The following ETF1 variants were observed in gnomAD, a reference collection of about 807,000 sequenced individuals.
ETF1 encodes the protein eukaryotic peptide chain release factor subunit 1.
Under a neutral mutation model 55.1 loss-of-function variants are expected in ETF1, and 4 were observed. That is an observed-to-expected ratio of 0.07 (90% CI 0.04 to 0.17). The LOEUF (loss-of-function observed/expected upper bound fraction) is 0.17, where lower values mean the gene tolerates loss of function less well. Among genes scored for constraint, ETF1 ranks in the 10% least tolerant of loss-of-function variants. The pLI is 1.00. For synonymous variants in ETF1, 157 were observed against 182.3 expected (o/e 0.86, Z 1.12); for missense variants, 142 against 523.6 (o/e 0.27, Z 7.11).
In ETF1 at chr5:138,535,874, CAAAAAAAAAAA is replaced by C. The variant is rs35261297; in HGVS notation, c.86+6948_86+6958del. Among the ~76,000 whole-genome samples, 14 of 57,834 alleles carry C rather than the reference CAAAAAAAAAAA, an allele frequency of 2.4e-4. 1 individual carries two copies. The highest frequency in any genetic ancestry group is 0.016 in the Middle Eastern group (1 of 64). The allele number at this position is 57,834 out of a possible 152,430, so 37.9% of individuals were successfully genotyped here. A position where few individuals can be genotyped will look rare whatever the true frequency, so the allele number is the denominator to read the frequency against. ...TGGGCGGGAAAGCGAGACTCCGCCT[CAAAAAAAAAAA>C]AAAAAAAAAAAAAAAGACCTTAATC... On this transcript the variant is annotated intron_variant, in intron 2 of 10. Coordinates refer to ENST00000360541, the MANE Select transcript of ETF1 (RefSeq NM_004730.4).
At chr5:138,518,303 C>T (rs958289614) in intron 3 of ETF1, among the ~76,000 whole-genome samples, 5 of 152,006 alleles carry the variant, frequency 3.3e-5, no homozygotes, top group African/African-American at 7.2e-5. Context: ...TCCCACCTCC[C>T]GGGTCCAGTT....
chr5:138,542,563 G>A (rs919463896), intron 2 of ETF1: 31 of 1,290,454 alleles, frequency 2.4e-5, no homozygotes, highest in Non-Finnish European at 3.0e-5. Context: ...GCCCGGGAGA[G>A]GTGCAAAAGT....
chr5:138,531,134 G>A (rs1030233277), intron 2 of ETF1, among the ~76,000 whole-genome samples: 3 of 152,178 alleles, frequency 2.0e-5, no homozygotes, highest in Non-Finnish European at 4.4e-5. Flanking sequence ...TAGGTTATGA[G>A]GGCTCTGCCC....
chr5:138,541,740 TA>T, intron 2 of ETF1: 1 of 501,418 alleles, frequency 2.0e-6, no homozygotes, highest in Non-Finnish European at 2.7e-6. Context: ...TACAAGTATG[TA>T]ATAATGTTCC....
intron 4 of ETF1, among the ~76,000 whole-genome samples, chr5:138,515,883 G>A (rs556163358): frequency 2.6e-5 from 4 of 152,174 alleles, no homozygotes; most frequent in African/African-American, 9.7e-5. Flanking sequence ...CTATGCAGTC[G>A]ACCAAGATCC....
At chr5:138,520,297 A>G (rs1765180918) in intron 2 of ETF1, among the ~76,000 whole-genome samples, 4 of 151,852 alleles carry the variant, frequency 2.6e-5, no homozygotes, top group Admixed American at 2.6e-4. Flanking sequence ...TGATTCTGAG[A>G]GACCCTTATG....
At chr5:138,536,454 C>T (rs139907708) in intron 2 of ETF1, among the ~76,000 whole-genome samples, 1 of 152,310 alleles carries the variant, frequency 6.6e-6, no homozygotes, top group East Asian at 1.9e-4. Context: ...ATCATACTCT[C>T]TGAGGACAGT....
chr5:138,531,873 C>T (rs56152341), intron 2 of ETF1, among the ~76,000 whole-genome samples: 14,321 of 152,110 alleles, frequency 0.094, 895 homozygotes, highest in Non-Finnish European at 0.13. Flanking sequence ...GGTGAAACCC[C>T]ATCTCTACTA....
intron 2 of ETF1, among the ~76,000 whole-genome samples, chr5:138,519,612 G>A (rs975532747): frequency 6.6e-6 from 1 of 151,008 alleles, no homozygotes; most frequent in South Asian, 2.1e-4. Flanking sequence ...GCAGTGAGCC[G>A]AGATCATGTC....
At chr5:138,525,579 C>T (rs1276327383) in intron 2 of ETF1, among the ~76,000 whole-genome samples, 2 of 152,140 alleles carry the variant, frequency 1.3e-5, no homozygotes, top group Admixed American at 6.5e-5. Flanking sequence ...CAATAGCTAC[C>T]AGTATAAATT....
At chr5:138,511,433 C>T (rs187398778) in intron 7 of ETF1, 42 bp downstream of exon 7, 70 of 1,597,508 alleles carry the variant, frequency 4.4e-5, no homozygotes, top group African/African-American at 2.6e-4. Context: ...CACACACACA[C>T]GAAAACATTT....
chr5:138,520,449 A>G (rs1581032302), intron 2 of ETF1, among the ~76,000 whole-genome samples: 1 of 152,188 alleles, frequency 6.6e-6, no homozygotes, highest in East Asian at 1.9e-4. Flanking sequence ...TGCCAGTAAC[A>G]TATCTTTTTT....
At chr5:138,537,217 T>G (rs1289259778) in intron 2 of ETF1, among the ~76,000 whole-genome samples, 2 of 152,182 alleles carry the variant, frequency 1.3e-5, no homozygotes, top group African/African-American at 4.8e-5. Context: ...CTTTACTACC[T>G]CTTTTCTCTC....
In ETF1 at chr5:138,511,100, T is replaced by G. The variant is rs1404583056; in HGVS notation, c.963A>C (p.Ile321=). 1.2e-6 allele frequency: 2 copies of G among 1,614,040 alleles called. No individual in the cohort carries two copies. The highest frequency in any genetic ancestry group is 2.7e-5 in the African/African-American group (2 of 74,942). ...TCATTATATCCAGATTTTCATAGAC[T>G]ATTAGAATTTCTACAGCTCCCATTT... ...ALEMGAVEIL[I]VYENLDIMRY... Residue 321 remains isoleucine (I), a synonymous_variant, in exon 8 of 11, where the codon ATA becomes ATC. Transcript: ENST00000360541.
intron 9 of ETF1, among the ~76,000 whole-genome samples, chr5:138,510,301 C>T (rs1046403026): frequency 6.3e-5 from 8 of 127,314 alleles, no homozygotes; most frequent in Non-Finnish European, 1.1e-4. Flanking sequence ...GAGGTTGCAG[C>T]GAGCCGAGAT....
At chr5:138,532,944 CTTT>C (rs1249359363) in intron 2 of ETF1, among the ~76,000 whole-genome samples, 1 of 146,020 alleles carries the variant, frequency 6.8e-6, no homozygotes, top group Admixed American at 6.9e-5. Context: ...ATATAAGCTT[CTTT>C]TTTTTTTTTT....
chr5:138,520,690 C>T (rs970716217), intron 2 of ETF1, among the ~76,000 whole-genome samples: 5 of 152,080 alleles, frequency 3.3e-5, no homozygotes, highest in African/African-American at 1.2e-4. Flanking sequence ...TCACGTGATG[C>T]AGGCCTGTAG....
rs1227158101 is a variant in ETF1, at chr5:138,520,272, C to T, written c.87-1405G>A. Reference sequence around the variant, plus strand: ...TGACAAAGGTGACATTACAACTGATCTCACAGAAGTAGAATGATTCTGAGA... The same window carrying T: ...TGACAAAGGTGACATTACAACTGATTTCACAGAAGTAGAATGATTCTGAGA... On this transcript the variant is annotated intron_variant, in intron 2 of 10. Coordinates refer to ENST00000360541, the MANE Select transcript of ETF1 (RefSeq NM_004730.4). Among the ~76,000 whole-genome samples the T allele has an allele frequency of 2.0e-4, 30 of 150,812 alleles. 3 individuals are homozygous for T. Among genetic ancestry groups the T allele is most frequent in the Admixed American group, 2.0e-3 (30 of 15,088 alleles).
chr5:138,511,333 C>A, intron 7 of ETF1, 133 bp from the exon 8 acceptor site: 1 of 1,500,838 alleles, frequency 6.7e-7, no homozygotes. Flanking sequence ...AATAAAAATA[C>A]TAAATATTCC....
Sources: gnomAD v4.1 joint callset for allele counts (sites outside exome capture counted in the v4.1 genomes callset) on GRCh38, gnomAD v4.1.1 for gene constraint, MANE v1.5 for transcripts, NCBI Gene and HGNC (gene_info 2026-07-23, HGNC 2026-07-21) for gene names.